The following DNM3 variants were observed in gnomAD, a reference collection of about 807,000 sequenced individuals.
DNM3 encodes the protein dynamin 3.
Under a neutral mutation model 101.6 loss-of-function variants are expected in DNM3, and 47 were observed. The observed-to-expected ratio is 0.46, with a 90% CI of 0.37 to 0.59. The LOEUF is 0.59. Among genes scored for constraint, DNM3 ranks in the 20% least tolerant of loss-of-function variants. The pLI is 0.00. For synonymous variants in DNM3, 385 were observed against 387.9 expected (o/e 0.99, Z 0.09); for missense variants, 849 against 1,085.7 (o/e 0.78, Z 3.06).
At chr1:171,913,289 G>A (rs941922652) in intron 1 of DNM3, among the ~76,000 whole-genome samples, 3 of 152,152 alleles carry the variant, frequency 2.0e-5, no homozygotes, top group African/African-American at 7.2e-5. Flanking sequence ...ATAAGTAAAA[G>A]CATTGTATTT....
intron 20 of DNM3, among the ~76,000 whole-genome samples, chr1:172,389,804 A>G (rs1196347588): frequency 6.6e-6 from 1 of 152,202 alleles, no homozygotes; most frequent in Non-Finnish European, 1.5e-5. Context: ...CTTACGTTTT[A>G]TTTTAATCTT....
chr1:171,896,314 T>C (rs926815817), intron 1 of DNM3, among the ~76,000 whole-genome samples: 4 of 152,208 alleles, frequency 2.6e-5, no homozygotes, highest in South Asian at 2.1e-4. Context: ...TTTTATTTCA[T>C]TGAGCAGTGG....
intron 17 of DNM3, among the ~76,000 whole-genome samples, chr1:172,333,668 G>C (rs2066291909): frequency 6.6e-6 from 1 of 152,048 alleles, no homozygotes; most frequent in East Asian, 1.9e-4. Flanking sequence ...GGAATATGCA[G>C]AATCTAGTAA....
chr1:171,999,925 A>G (rs575667976), intron 4 of DNM3, among the ~76,000 whole-genome samples: 11 of 152,220 alleles, frequency 7.2e-5, no homozygotes, highest in African/African-American at 2.4e-4. Context: ...GGAGGGAGTC[A>G]GCATGACACT....
chr1:172,396,382 TG>T (rs2149099859), intron 20 of DNM3, among the ~76,000 whole-genome samples: 1 of 152,338 alleles, frequency 6.6e-6, no homozygotes, highest in East Asian at 1.9e-4. Context: ...TTTCTCCTAT[TG>T]GGAATTAATT....
At chr1:172,080,474 C>G (rs1206917904) in intron 11 of DNM3, among the ~76,000 whole-genome samples, 1 of 152,164 alleles carries the variant, frequency 6.6e-6, no homozygotes, top group African/African-American at 2.4e-5. Context: ...CGCCCCTCCC[C>G]CAACCAAGCT....
chr1:172,236,123 G>C (rs1450826509), intron 14 of DNM3, among the ~76,000 whole-genome samples: 1 of 152,134 alleles, frequency 6.6e-6, no homozygotes, highest in East Asian at 1.9e-4. Context: ...AAACCTAACT[G>C]TTGCTGTCCT....
intron 14 of DNM3, among the ~76,000 whole-genome samples, chr1:172,157,586 A>G (rs1186559851): frequency 6.6e-6 from 1 of 152,058 alleles, no homozygotes; most frequent in Non-Finnish European, 1.5e-5. Flanking sequence ...GATTCAACCA[A>G]TTGCAGATTG....
At chr1:172,314,420 G>A (rs928008634) in intron 16 of DNM3, among the ~76,000 whole-genome samples, 7 of 152,186 alleles carry the variant, frequency 4.6e-5, no homozygotes, top group East Asian at 1.9e-4. Context: ...TGCACGAGCC[G>A]AAGCAGGGCG....
chr1:172,083,931 T>C (rs2053339760), intron 12 of DNM3, among the ~76,000 whole-genome samples: 1 of 152,136 alleles, frequency 6.6e-6, no homozygotes, highest in African/African-American at 2.4e-5. Flanking sequence ...TTTCCAGCAG[T>C]GAGATAGACT....
At chr1:172,028,621 A>G (rs1375965925) in intron 4 of DNM3, among the ~76,000 whole-genome samples, 1 of 152,172 alleles carries the variant, frequency 6.6e-6, no homozygotes, top group Non-Finnish European at 1.5e-5. Flanking sequence ...AAATCAATGA[A>G]TCCAGGAGCT....
At chr1:172,030,481 C>CAGG (rs2125791507) in intron 4 of DNM3, among the ~76,000 whole-genome samples, 1 of 151,920 alleles carries the variant, frequency 6.6e-6, no homozygotes, top group Non-Finnish European at 1.5e-5. Context: ...CAATACCATT[C>CAGG]AGGACATGGG....
intron 20 of DNM3, among the ~76,000 whole-genome samples, chr1:172,398,245 T>C (rs905070898): frequency 6.6e-6 from 1 of 152,202 alleles, no homozygotes. Flanking sequence ...CCTTCTGATT[T>C]CCCTTGTTTC....
At chr1:172,362,221 A>G (rs2067778948) in intron 17 of DNM3, among the ~76,000 whole-genome samples, 1 of 152,034 alleles carries the variant, frequency 6.6e-6, no homozygotes, top group African/African-American at 2.4e-5. Flanking sequence ...AGGGGAGAAG[A>G]CCTATTAGAA....
At position 172,410,891 on chromosome 1, in the gene DNM3, GTA is replaced by G; in HGVS notation, c.*3052_*3053del. Reference sequence around the variant, plus strand: ...AAATATGAAATGGGACCTAATACCAGTATGTGATAAATGTTGATGTTTTCTGT... The same window carrying G: ...AAATATGAAATGGGACCTAATACCAGTGTGATAAATGTTGATGTTTTCTGT... On this transcript the variant is annotated 3_prime_UTR_variant, in exon 21 of 21. Coordinates refer to ENST00000627582, the MANE Select transcript of DNM3 (RefSeq NM_015569.5). 2 of 985,210 alleles carry G rather than the reference GTA, an allele frequency of 2.0e-6. No homozygotes were observed. Among genetic ancestry groups the G allele is most frequent in the Non-Finnish European group, 2.4e-6 (2 of 829,786 alleles). 61.0% of individuals were successfully genotyped at this position (985,210 alleles called of 1,614,324 possible).
At chr1:171,987,911 G>T in intron 3 of DNM3, 106 bp downstream of exon 3, 1 of 1,132,828 alleles carries the variant, frequency 8.8e-7, no homozygotes, top group Non-Finnish European at 1.2e-6. Context: ...GGGTTTCTAG[G>T]GTATCCTTTG....
At chr1:172,152,057 T>A (rs1231765282) in intron 14 of DNM3, among the ~76,000 whole-genome samples, 14 of 152,036 alleles carry the variant, frequency 9.2e-5, no homozygotes, top group Non-Finnish European at 1.9e-4. Flanking sequence ...TTAATTTTTT[T>A]ATTTTTTTGT....
intron 11 of DNM3, among the ~76,000 whole-genome samples, chr1:172,075,021 G>C (rs1296317539): frequency 6.6e-6 from 1 of 152,206 alleles, no homozygotes; most frequent in Non-Finnish European, 1.5e-5. Context: ...ACTGGCGTGA[G>C]ATGGTATCTC....
chr1:172,058,185 A>G (rs1442885296), intron 10 of DNM3, among the ~76,000 whole-genome samples: 2 of 150,684 alleles, frequency 1.3e-5, no homozygotes, highest in African/African-American at 4.9e-5. Context: ...GAGCACCCAG[A>G]TTCATAAAGC....
Sources: allele counts gnomAD v4.1 joint callset (sites outside exome capture counted in the v4.1 genomes callset), GRCh38; gene constraint gnomAD v4.1.1; transcripts MANE v1.5; gene names NCBI Gene and HGNC (gene_info 2026-07-23, HGNC 2026-07-21).